Variants in NAPEPLD observed in about 807,000 individuals in gnomAD.
The protein encoded by NAPEPLD is N-acyl phosphatidylethanolamine phospholipase D.
A neutral mutation model predicts 38.1 loss-of-function variants in NAPEPLD; 23 were observed. That is an observed-to-expected ratio of 0.60 (90% CI 0.43 to 0.86). The LOEUF is 0.86. Ranked by LOEUF, NAPEPLD falls within the 40% of genes least tolerant of loss-of-function variation. The probability of loss-of-function intolerance (pLI) is 0.00; values close to 1 mark genes in which losing one functional copy is unlikely to be tolerated. For missense variants in NAPEPLD, 411 were observed against 476.8 expected (o/e 0.86, Z 1.28); for synonymous variants, 147 against 162.0 (o/e 0.91, Z 0.71).
chr7:103,105,044 T>C (rs1295656732), intron 4 of NAPEPLD, among the ~76,000 whole-genome samples: 1 of 152,210 alleles, frequency 6.6e-6, no homozygotes, highest in African/African-American at 2.4e-5. Context: ...CCTCTGTCTT[T>C]AATCTGCCTA....
At chr7:103,144,831 G>A (rs1276351401) in intron 1 of NAPEPLD, among the ~76,000 whole-genome samples, 1 of 151,962 alleles carries the variant, frequency 6.6e-6, no homozygotes, top group Non-Finnish European at 1.5e-5. Flanking sequence ...GGCCAACATG[G>A]CAAAACTCTG....
chr7:103,146,530 A>G (rs1197986414), intron 1 of NAPEPLD, among the ~76,000 whole-genome samples: 2 of 152,230 alleles, frequency 1.3e-5, no homozygotes, highest in African/African-American at 2.4e-5. Context: ...AGATAAACAC[A>G]AGAGTCTGCA....
At chr7:103,130,917 G>A (rs1365332153) in intron 1 of NAPEPLD, among the ~76,000 whole-genome samples, 4 of 152,078 alleles carry the variant, frequency 2.6e-5, no homozygotes, top group Admixed American at 6.6e-5. Context: ...AAGTGGTCTC[G>A]GAGAGTAAGC....
At chr7:103,138,949 C>T (rs1810653165) in intron 1 of NAPEPLD, among the ~76,000 whole-genome samples, 1 of 152,184 alleles carries the variant, frequency 6.6e-6, no homozygotes, top group Non-Finnish European at 1.5e-5. Flanking sequence ...CAGCCTTGGC[C>T]AACCCCTCCT....
chr7:103,117,437 A>AT (rs1415982799), intron 3 of NAPEPLD, among the ~76,000 whole-genome samples: 3 of 152,168 alleles, frequency 2.0e-5, no homozygotes, highest in Non-Finnish European at 1.5e-5. Flanking sequence ...ATAGATTTAA[A>AT]TTTTTTACTG....
intron 1 of NAPEPLD, among the ~76,000 whole-genome samples, chr7:103,145,989 G>A (rs1018878404): frequency 3.3e-5 from 5 of 151,174 alleles, no homozygotes; most frequent in Non-Finnish European, 5.9e-5. Flanking sequence ...ACACACACAC[G>A]CACGCACACA....
At chr7:103,149,699 C>G, upstream of NAPEPLD, 1 of 255,482 alleles carries the variant, frequency 3.9e-6, no homozygotes, top group South Asian at 3.1e-5. Flanking sequence ...AGGGACCCTC[C>G]TAAGATCAAA....
chr7:103,106,798 T>C (rs1044121306), intron 4 of NAPEPLD, among the ~76,000 whole-genome samples: 1 of 151,444 alleles, frequency 6.6e-6, no homozygotes, highest in African/African-American at 2.4e-5. Context: ...ACAGAGCAAC[T>C]GGGGGAAGGG....
At chr7:103,131,857 T>C (rs1809005292) in intron 1 of NAPEPLD, among the ~76,000 whole-genome samples, 2 of 152,174 alleles carry the variant, frequency 1.3e-5, no homozygotes. Flanking sequence ...GGCTCATGCA[T>C]GTAATCACAG....
At chr7:103,117,862 CAAAT>C (rs1805873942) in intron 3 of NAPEPLD, among the ~76,000 whole-genome samples, 1 of 152,082 alleles carries the variant, frequency 6.6e-6, no homozygotes, top group African/African-American at 2.4e-5. Flanking sequence ...ATTTTCATAA[CAAAT>C]AAAAGATGTT....
intron 1 of NAPEPLD, among the ~76,000 whole-genome samples, chr7:103,137,693 G>A (rs933624562): frequency 4.6e-5 from 7 of 151,992 alleles, no homozygotes; most frequent in African/African-American, 1.7e-4. Context: ...GTGCGCATCT[G>A]TAGTCCCAGC....
At chr7:103,147,523 C>T (rs1367651360) in intron 1 of NAPEPLD, among the ~76,000 whole-genome samples, 2 of 152,178 alleles carry the variant, frequency 1.3e-5, no homozygotes, top group African/African-American at 2.4e-5. Flanking sequence ...GCAAATACTG[C>T]TTTTCCAAAC....
At chr7:103,108,538 G>A (rs879610594) in intron 4 of NAPEPLD, among the ~76,000 whole-genome samples, 4 of 152,168 alleles carry the variant, frequency 2.6e-5, no homozygotes, top group Non-Finnish European at 5.9e-5. Flanking sequence ...ACAAGCAAAT[G>A]CTGAGAGATT....
chr7:103,149,486 G>T, upstream of NAPEPLD: 1 of 1,263,778 alleles, frequency 7.9e-7, no homozygotes, highest in Non-Finnish European at 1.0e-6. Flanking sequence ...CGCCATCGTT[G>T]GGGCGAGTCG....
chr7:103,147,867 T>G (rs1370708942), intron 1 of NAPEPLD: 8 of 576,974 alleles, frequency 1.4e-5, no homozygotes, highest in Non-Finnish European at 1.7e-5. Context: ...CAAAACAAAA[T>G]CTCTGAAAAT....
In NAPEPLD at chr7:103,134,731, A is replaced by G. The variant is rs146075273; in HGVS notation, c.-16-5939T>C. The stretch of plus-strand genomic sequence containing the variant: ...AAGGACAACATAAAGTCCATCTAGT[A>G]ATTATCAAGGACATTCTCTACATTT... On this transcript the variant is annotated intron_variant, in intron 1 of 4. Coordinates refer to ENST00000465647, the MANE Select transcript of NAPEPLD (RefSeq NM_001122838.3). Among the ~76,000 whole-genome samples, 5 of 152,328 alleles carry G rather than the reference A, an allele frequency of 3.3e-5. No homozygotes were observed. The East Asian group carries it at 9.6e-4, about 29-fold the overall frequency.
intron 3 of NAPEPLD, among the ~76,000 whole-genome samples, chr7:103,118,430 T>C (rs1805979864): frequency 6.6e-6 from 1 of 151,858 alleles, no homozygotes; most frequent in Non-Finnish European, 1.5e-5. Flanking sequence ...ATAAGGAAAC[T>C]AGCAAAAAAC....
chr7:103,145,599 C>G (rs1812370918), intron 1 of NAPEPLD, among the ~76,000 whole-genome samples: 1 of 152,192 alleles, frequency 6.6e-6, no homozygotes, highest in South Asian at 2.1e-4. Flanking sequence ...GAGATTGGAC[C>G]AGGTACATTC....
intron 1 of NAPEPLD, among the ~76,000 whole-genome samples, chr7:103,142,413 C>A (rs1238577648): frequency 6.6e-6 from 1 of 152,118 alleles, no homozygotes; most frequent in Non-Finnish European, 1.5e-5. Flanking sequence ...CGAGACCAGC[C>A]TGGCCAACAT....
Sources: gnomAD v4.1 joint callset for allele counts (sites outside exome capture counted in the v4.1 genomes callset) on GRCh38, gnomAD v4.1.1 for gene constraint, MANE v1.5 for transcripts, NCBI Gene and HGNC (gene_info 2026-07-23, HGNC 2026-07-21) for gene names.